Variants in KAZN observed in about 807,000 individuals in gnomAD.
The protein encoded by KAZN is kazrin, periplakin interacting protein, also known as kazrin.
A neutral mutation model predicts 87.4 loss-of-function variants in KAZN; 40 were observed. That is an observed-to-expected ratio of 0.46 (90% CI 0.36 to 0.60). KAZN has a LOEUF of 0.60. Among genes scored for constraint, KAZN ranks in the 20% least tolerant of loss-of-function variants. The pLI is 0.00. For missense variants in KAZN, 898 were observed against 1,073.9 expected (o/e 0.84, Z 2.29); for synonymous variants, 466 against 458.3 (o/e 1.02, Z -0.22).
At chr1:14,606,503 G>A (rs1045624301) in intron 1 of KAZN, among the ~76,000 whole-genome samples, 2 of 152,114 alleles carry the variant, frequency 1.3e-5, no homozygotes. Context: ...TGGACTTGGA[G>A]CCTCCAATTT....
chr1:14,141,153 C>T (rs1005760252), intron 1 of KAZN, among the ~76,000 whole-genome samples: 1 of 151,108 alleles, frequency 6.6e-6, no homozygotes. Flanking sequence ...CCCAGAAAAC[C>T]CCCAGAAAAG....
rs535322120 is a variant in KAZN at position 14,579,538 on chromosome 1, T to A, written c.250-19445T>A. 2.6e-5 allele frequency among the ~76,000 whole-genome samples: 4 copies of A among 151,194 alleles called. No homozygotes were observed. In the East Asian group the frequency reaches 7.8e-4, roughly 30 times the overall value. On this transcript the variant is annotated intron_variant, in intron 2 of 16. Transcript: ENST00000636203. ...TACTCAGGAGGCTGAGGCAGGAGAA[T>A]GGCGTGAACCTGGGAGGTGGAGCTT...
intron 2 of KAZN, among the ~76,000 whole-genome samples, chr1:14,244,056 CAATT>C (rs757006095): frequency 2.6e-5 from 4 of 152,182 alleles, no homozygotes; most frequent in Non-Finnish European, 4.4e-5. Flanking sequence ...ATAGAAACAA[CAATT>C]AAACAGAGAA....
chr1:14,548,702 T>C (rs917273656), intron 2 of KAZN, among the ~76,000 whole-genome samples: 2 of 152,214 alleles, frequency 1.3e-5, no homozygotes, highest in Non-Finnish European at 2.9e-5. Context: ...TTATAGATTA[T>C]TTCACTGGAT....
intron 1 of KAZN, among the ~76,000 whole-genome samples, chr1:14,080,982 T>C (rs767979019): frequency 1.3e-5 from 2 of 152,202 alleles, no homozygotes; most frequent in African/African-American, 2.4e-5. Flanking sequence ...CATATTGATG[T>C]GTTAACAGTT....
chr1:13,931,348 A>G (rs1322703832), intron 1 of KAZN, among the ~76,000 whole-genome samples: 1 of 152,202 alleles, frequency 6.6e-6, no homozygotes, highest in Non-Finnish European at 1.5e-5. Context: ...CTTCCCTGAC[A>G]TGTTTTAATC....
intron 1 of KAZN, among the ~76,000 whole-genome samples, chr1:14,904,375 C>T (rs192534477): frequency 2.0e-5 from 3 of 151,332 alleles, no homozygotes; most frequent in Admixed American, 1.3e-4. Context: ...AGGAGACCAA[C>T]GCCTATAAAA....
At chr1:15,051,290 G>A (rs559368105) in intron 4 of KAZN, among the ~76,000 whole-genome samples, 8 of 152,334 alleles carry the variant, frequency 5.3e-5, no homozygotes, top group Admixed American at 2.0e-4. Flanking sequence ...CCGGATCAGC[G>A]GAACCTCAGG....
At chr1:14,220,201 C>T (rs1647063682) in intron 2 of KAZN, among the ~76,000 whole-genome samples, 1 of 152,150 alleles carries the variant, frequency 6.6e-6, no homozygotes, top group Admixed American at 6.5e-5. Context: ...CTACGACACT[C>T]TTGCCTGTAG....
chr1:14,917,610 G>A (rs981417994), intron 1 of KAZN, among the ~76,000 whole-genome samples: 2 of 152,196 alleles, frequency 1.3e-5, no homozygotes, highest in Admixed American at 1.3e-4. Context: ...CCGACAAGTA[G>A]TGACCATGAT....
At chr1:14,786,768 C>T (rs193116079) in intron 1 of KAZN, among the ~76,000 whole-genome samples, 3 of 152,188 alleles carry the variant, frequency 2.0e-5, no homozygotes, top group Non-Finnish European at 2.9e-5. Context: ...TAGCACTCTC[C>T]CCTCAGCTCC....
At chr1:14,356,419 CTTTAG>C (rs1365907783) in intron 2 of KAZN, among the ~76,000 whole-genome samples, 1 of 152,084 alleles carries the variant, frequency 6.6e-6, no homozygotes, top group Non-Finnish European at 1.5e-5. Context: ...TGCAGAAGCT[CTTTAG>C]TTTAATTAGA....
At chr1:14,607,900 T>C (rs1216241308) in intron 1 of KAZN, among the ~76,000 whole-genome samples, 3 of 152,216 alleles carry the variant, frequency 2.0e-5, no homozygotes, top group Non-Finnish European at 4.4e-5. Context: ...TCGTTGAGGC[T>C]TTCCCAGATA....
intron 1 of KAZN, among the ~76,000 whole-genome samples, chr1:14,028,114 C>T (rs557697661): frequency 3.3e-5 from 5 of 152,164 alleles, no homozygotes; most frequent in Non-Finnish European, 7.3e-5. Context: ...TTCTGTCCCC[C>T]CAAACTCTGC....
At chr1:14,810,366 T>A (rs1428945985) in intron 1 of KAZN, among the ~76,000 whole-genome samples, 1 of 152,144 alleles carries the variant, frequency 6.6e-6, no homozygotes, top group East Asian at 1.9e-4. Flanking sequence ...GTTTATTTGA[T>A]TGTCTGTTGG....
chr1:14,953,521 G>A (rs889318287), intron 1 of KAZN, among the ~76,000 whole-genome samples: 2 of 152,226 alleles, frequency 1.3e-5, no homozygotes, highest in African/African-American at 4.8e-5. Context: ...AACTGTGGAT[G>A]ATAAAATAGG....
chr1:14,147,230 A>G (rs2101787355), intron 1 of KAZN, among the ~76,000 whole-genome samples: 1 of 152,280 alleles, frequency 6.6e-6, no homozygotes, highest in South Asian at 2.1e-4. Context: ...TTAAGTTTCC[A>G]TGTATTCGAA....
intron 1 of KAZN, among the ~76,000 whole-genome samples, chr1:14,857,791 T>A (rs1323108971): frequency 6.6e-6 from 1 of 151,702 alleles, no homozygotes; most frequent in Admixed American, 6.6e-5. Context: ...ATGGGAAGAG[T>A]GGCCCCTTTT....
intron 2 of KAZN, among the ~76,000 whole-genome samples, chr1:14,541,019 C>T (rs887655429): frequency 6.6e-6 from 1 of 152,178 alleles, no homozygotes; most frequent in African/African-American, 2.4e-5. Flanking sequence ...CAAGAACTTG[C>T]ACAGTTTCTA....
Sources: gnomAD v4.1 joint callset for allele counts (sites outside exome capture counted in the v4.1 genomes callset) on GRCh38, gnomAD v4.1.1 for gene constraint, MANE v1.5 for transcripts, NCBI Gene and HGNC (gene_info 2026-07-23, HGNC 2026-07-21) for gene names.